The following TRIM64C variants were observed in gnomAD, a reference collection of about 807,000 sequenced individuals.
TRIM64C encodes tripartite motif containing 64C, also known as tripartite motif-containing protein 64C.
TRIM64C carries 25 observed loss-of-function variants against 36.1 expected under a neutral mutation model. The ratio of observed to expected loss-of-function variants is 0.69; its 90% CI spans 0.51 to 0.97. The LOEUF is 0.97. TRIM64C is among the 50% of genes least tolerant of loss of function. The probability of loss-of-function intolerance (pLI) is 0.00; values close to 1 mark genes in which losing one functional copy is unlikely to be tolerated. For synonymous variants in TRIM64C, 212 were observed against 185.7 expected (o/e 1.14, Z -1.15); for missense variants, 489 against 536.8 (o/e 0.91, Z 0.88).
chr11:49,055,132 G>C (rs1269588589), intron 5 of TRIM64C, among the ~76,000 whole-genome samples, 178 bp downstream of exon 5: 1 of 152,130 alleles, frequency 6.6e-6, no homozygotes, highest in East Asian at 1.9e-4. Flanking sequence ...CTGTAAGTCA[G>C]GAAATTGAGT....
chr11:49,057,086 T>C (rs1590644633), intron 3 of TRIM64C, 62 bp downstream of exon 3: 2 of 1,538,658 alleles, frequency 1.3e-6, no homozygotes, highest in Non-Finnish European at 8.8e-7. Context: ...GACATTTGCA[T>C]GTCCTGGCAG....
Position 49,059,079 on chromosome 11 carries a change from C to T in TRIM64C, c.34G>A (p.Glu12Lys), listed in dbSNP as rs777475784. ...TTCACGCAAATGCAGCAAATGAGCT[C>T]ATTCTGGAAGACTCGCAGGGTGTCT... ...DSDTLRVFQN[E>K]LICCICVNYF... Residue 12 changes from glutamate to lysine, a missense_variant, in exon 1 of 6, where the codon GAG becomes AAG. By Grantham distance (56) the Glu-to-Lys change is moderately conservative (BLOSUM62 1). Transcript: ENST00000617704. 5.9e-5 allele frequency: 92 copies of T among 1,550,348 alleles called. No homozygotes were observed. Among genetic ancestry groups the T allele is most frequent in the Non-Finnish European group, 7.4e-5 (85 of 1,147,088 alleles).
At chr11:49,055,197 A>C (rs542982064) in intron 5 of TRIM64C, 113 bp downstream of exon 5, 1 of 1,331,066 alleles carries the variant, frequency 7.5e-7, no homozygotes, top group Admixed American at 2.2e-5. Flanking sequence ...GTTTTGGAAA[A>C]CTATGTATTA....
At chr11:49,055,435 A>G (rs1436723945) in intron 4 of TRIM64C, 28 bp from the exon 5 acceptor site, 1 of 1,535,264 alleles carries the variant, frequency 6.5e-7, no homozygotes, top group Non-Finnish European at 8.7e-7. Context: ...CCTCAGTTAT[A>G]TTTCCAGGAC....
Position 49,055,315 on chromosome 11 carries a change from A to G in TRIM64C, c.854T>C (p.Phe285Ser). 6.5e-7 allele frequency: 1 copy of G among 1,535,884 alleles called. No homozygotes were observed. The change falls in exon 5 of 6, where the codon TTC becomes TCC. Residue 285 changes from phenylalanine to serine, a missense_variant. Phe to Ser is a radical substitution (Grantham distance 155). Coordinates refer to ENST00000617704, the MANE Select transcript of TRIM64C (RefSeq NM_001206631.1). ...ITGVLDMLNNFRVDNALSTEM... is the reference protein window; with the variant it reads ...ITGVLDMLNNSRVDNALSTEM... ...GCCAAGCAGCTGGCTCTTGCCTCTG[A>G]AGTTGTTGAGCATGTCTAGGACTCC... is the stretch of plus-strand genomic sequence containing the variant.
chr11:49,054,601 C>T (rs1422697738), intron 5 of TRIM64C, among the ~76,000 whole-genome samples: 1 of 152,026 alleles, frequency 6.6e-6, no homozygotes, highest in Non-Finnish European at 1.5e-5. Context: ...GTAAGTTATG[C>T]CTGTTATAGT....
intron 1 of TRIM64C, 73 bp from the exon 2 acceptor site, chr11:49,058,245 C>A (rs1854837239): frequency 9.5e-7 from 1 of 1,055,384 alleles, no homozygotes. Context: ...AAAAAAAAGG[C>A]CGTAATTGAA....
rs556717101 is a variant in TRIM64C, at chr11:49,053,775, C to T, written c.1292G>A (p.Gly431Asp). The T allele has an allele frequency of 1.7e-5, 26 of 1,551,328 alleles. No individual in the cohort carries two copies. The African/African-American group carries it at 2.6e-4, about 16-fold the overall frequency. ...GGAAGAGAAGGAGGAAGGAGGAAAA[C>T]CATAGATAAGAGAACCTTTAGAAAC... Reference protein sequence around the residue: ...FDVSKGSLIYGFPPSSFSSPL... With the variant: ...FDVSKGSLIYDFPPSSFSSPL... Residue 431 changes from glycine (G) to aspartate (D), a missense_variant, in exon 6 of 6, where the codon GGT (glycine) becomes GAT (aspartate). Physicochemically the swap from Gly to Asp is moderately conservative, Grantham distance 94. Coordinates refer to ENST00000617704, the MANE Select transcript of TRIM64C (RefSeq NM_001206631.1).
chr11:49,058,889 G>T lies in TRIM64C; in HGVS notation c.224C>A (p.Ser75Tyr). 1 of 1,550,374 alleles carries T rather than the reference G, an allele frequency of 6.5e-7. No homozygotes were observed. The highest frequency in any genetic ancestry group is 1.2e-5 in the South Asian group (1 of 83,994). The change falls in exon 1 of 6, where the codon TCC (serine) becomes TAC (tyrosine). Residue 75 changes from serine to tyrosine, a missense_variant. Transcript: ENST00000617704. ...CTGAGGTCTGGTCTGTCTGGCTAGGGAAGCCAGCTTTTTGAGTGCCACATT... is the reference window on the plus strand; with the variant it reads ...CTGAGGTCTGGTCTGTCTGGCTAGGTAAGCCAGCTTTTTGAGTGCCACATT... ...NTNVALKKLA[S>Y]LARQTRPQNI...
intron 1 of TRIM64C, 87 bp downstream of exon 1, chr11:49,058,614 T>C: frequency 5.3e-6 from 8 of 1,521,886 alleles, no homozygotes; most frequent in Non-Finnish European, 7.0e-6. Context: ...ACCTCCACTA[T>C]CTGCATTCTC....
intron 4 of TRIM64C, 148 bp from the exon 5 acceptor site, chr11:49,055,555 G>A: frequency 9.2e-7 from 1 of 1,083,982 alleles, no homozygotes; most frequent in Non-Finnish European, 1.3e-6. Flanking sequence ...CACACTCTAG[G>A]GGCCATAAGG....
At chr11:49,055,466 T>C in intron 4 of TRIM64C, 59 bp from the exon 5 acceptor site, 1 of 1,519,150 alleles carries the variant, frequency 6.6e-7, no homozygotes, top group Middle Eastern at 1.7e-4. Context: ...CACACAGTCA[T>C]ATGAAGATAT....
In TRIM64C at chr11:49,053,750, G is replaced by A; in HGVS notation, c.1317C>T (p.Ser439=). The change falls in exon 6 of 6, where the codon TCC becomes TCT. Residue 439 remains serine (S), a synonymous_variant. Coordinates refer to ENST00000617704, the MANE Select transcript of TRIM64C (RefSeq NM_001206631.1). ...CAAAGCAAAAGAAAGGCCTCAGAGG[G>A]GAAGAGAAGGAGGAAGGAGGAAAAC... ...IYGFPPSSFS[S]PLRPFFCFGC... is the part of the protein sequence containing the mutation. 6.5e-7 allele frequency: 1 copy of A among 1,549,738 alleles called. No individual in the cohort carries two copies. The highest frequency in any genetic ancestry group is 8.7e-7 in the Non-Finnish European group (1 of 1,146,618).
chr11:49,058,338 G>A (rs560213392), intron 1 of TRIM64C, among the ~76,000 whole-genome samples, 166 bp from the exon 2 acceptor site: 2 of 151,994 alleles, frequency 1.3e-5, no homozygotes, highest in South Asian at 4.1e-4. Context: ...GATGTGAAAA[G>A]TGATAGAAAC....
Position 49,058,799 on chromosome 11 carries a change from G to C in TRIM64C, c.314C>G (p.Ala105Gly). The C allele has an allele frequency of 1.3e-6, 2 of 1,549,056 alleles. No individual in the cohort carries two copies. The highest frequency in any genetic ancestry group is 1.2e-5 in the South Asian group (1 of 83,972). Residue 105 changes from alanine (A) to glycine (G), a missense_variant, in exon 1 of 6, where the codon GCT becomes GGT. Coordinates refer to ENST00000617704, the MANE Select transcript of TRIM64C (RefSeq NM_001206631.1). ...GGGCCCACAGAGCAATCTCTTGTCA[G>C]CCTCACAGAAGAGCTCCTTAGTCTC... is the stretch of plus-strand genomic sequence containing the variant. The part of the protein sequence containing the change: ...HEETKELFCE[A>G]DKRLLCGPCS...
At position 49,055,474 on chromosome 11, in the gene TRIM64C, T is replaced by C; in HGVS notation, c.762-67A>G. 4 of 1,513,304 alleles carry C rather than the reference T, an allele frequency of 2.6e-6. No individual in the cohort carries two copies. The African/African-American group carries it at 4.2e-5, about 16-fold the overall frequency. The allele number at this position is 1,513,304 out of a possible 1,614,324, so 93.7% of individuals were successfully genotyped here. On this transcript the variant is annotated intron_variant, in intron 4 of 5. Transcript: ENST00000617704. ...AGCTAATCACACAGTCATATGAAGA[T>C]ATCATATTTTCATATAAGATGTTTC...
rs745683466 is a variant in TRIM64C at position 49,058,058 on chromosome 11, G to A, written c.507+20C>T. 3 of 1,466,198 alleles carry A rather than the reference G, an allele frequency of 2.0e-6. No homozygotes were observed. In the South Asian group the frequency reaches 3.8e-5, roughly 19 times the overall value. The allele number at this position is 1,466,198 out of a possible 1,614,324, so 90.8% of individuals were successfully genotyped here. ...TGTGTTTATTTGCATAAAAACAAAGGAAACATTTTCATTCTTAACCACTAA... is the reference window on the plus strand; with the variant it reads ...TGTGTTTATTTGCATAAAAACAAAGAAAACATTTTCATTCTTAACCACTAA... On this transcript the variant is annotated intron_variant, in intron 2 of 5. Transcript: ENST00000617704.
At chr11:49,054,649 A>G (rs1373780375) in intron 5 of TRIM64C, among the ~76,000 whole-genome samples, 2 of 152,180 alleles carry the variant, frequency 1.3e-5, no homozygotes, top group Non-Finnish European at 2.9e-5. Flanking sequence ...TAACACATGT[A>G]AAGTTTATAA....
rs771010693 is a variant in TRIM64C, at chr11:49,053,944, T to C, written c.1123A>G (p.Thr375Ala). 1.5e-5 allele frequency: 23 copies of C among 1,551,552 alleles called. No homozygotes were observed. In the South Asian group the frequency reaches 2.4e-4, roughly 16 times the overall value. Residue 375 changes from threonine to alanine, a missense_variant, in exon 6 of 6, where the codon ACA becomes GCA. Coordinates refer to ENST00000617704, the MANE Select transcript of TRIM64C (RefSeq NM_001206631.1). ...DTNIVIDSDK[T>A]FFSISSKTSN... Reference sequence around the variant, plus strand: ...GTCTTTGAAGAAATTGAAAAAAATGTTTTGTCAGAATCAATAACTATATTG... The same window carrying C: ...GTCTTTGAAGAAATTGAAAAAAATGCTTTGTCAGAATCAATAACTATATTG...
Sources: allele counts gnomAD v4.1 joint callset (sites outside exome capture counted in the v4.1 genomes callset), GRCh38; gene constraint gnomAD v4.1.1; transcripts MANE v1.5; gene names NCBI Gene and HGNC (gene_info 2026-07-23, HGNC 2026-07-21).